Variants in RPF1 observed in about 807,000 individuals in gnomAD.
RPF1 encodes ribosome production factor 1.
A neutral mutation model predicts 41.9 loss-of-function variants in RPF1; 34 were observed. That is an observed-to-expected ratio of 0.81 (90% CI 0.62 to 1.08). The LOEUF (loss-of-function observed/expected upper bound fraction) is 1.08, where lower values mean the gene tolerates loss of function less well. Among genes scored for constraint, RPF1 ranks in the 50% least tolerant of loss-of-function variants. The pLI, the probability that RPF1 is intolerant of heterozygous loss-of-function variation, is 0.00. For missense variants in RPF1, 425 were observed against 435.2 expected (o/e 0.98, Z 0.21); for synonymous variants, 140 against 148.9 (o/e 0.94, Z 0.43).
chr1:84,493,626 CT>C (rs1229627909), intron 5 of RPF1, among the ~76,000 whole-genome samples: 6 of 151,908 alleles, frequency 3.9e-5, no homozygotes, highest in Non-Finnish European at 5.9e-5. Context: ...CCATCCCTAC[CT>C]AAGTTTTAAC....
intron 8 of RPF1, 74 bp downstream of exon 8, chr1:84,496,444 T>G: frequency 7.5e-7 from 1 of 1,333,568 alleles, no homozygotes; most frequent in East Asian, 2.3e-5. Context: ...AGAGAGAGCA[T>G]CAGGAATAGC....
rs565891899 is a variant in RPF1 at position 84,496,175 on chromosome 1, C to T, written c.882-69C>T. The T allele has an allele frequency of 6.6e-6, 10 of 1,505,814 alleles. No individual in the cohort carries two copies. The African/African-American group carries it at 9.8e-5, about 15-fold the overall frequency. The allele number at this position is 1,505,814 out of a possible 1,614,324, so 93.3% of individuals were successfully genotyped here. On this transcript the variant is annotated intron_variant, in intron 7 of 8. Transcript: ENST00000370654. ...TATCATACAAGATAAAATGAATTAT[C>T]TTTTGAACCCTGTCATAATGTTAAA...
intron 2 of RPF1, among the ~76,000 whole-genome samples, chr1:84,481,854 A>G (rs1378942032): frequency 1.3e-5 from 2 of 152,172 alleles, no homozygotes; most frequent in African/African-American, 4.8e-5. Flanking sequence ...TGAGGAAGGG[A>G]AAAAAATGTA....
At position 84,493,692 on chromosome 1, in the gene RPF1, G is replaced by A. The variant is rs947941765; in HGVS notation, c.617-1681G>A. On this transcript the variant is annotated intron_variant, in intron 5 of 8. Coordinates refer to ENST00000370654, the MANE Select transcript of RPF1 (RefSeq NM_025065.7). Reference sequence around the variant, plus strand: ...AACTCAAAAAGTGATGAGTGCTGTGGTAGCAGAACTGAGAAGATTTAGATC... The same window carrying A: ...AACTCAAAAAGTGATGAGTGCTGTGATAGCAGAACTGAGAAGATTTAGATC... Among the ~76,000 whole-genome samples the A allele has an allele frequency of 4.6e-5, 7 of 152,190 alleles. No individual in the cohort carries two copies. In the East Asian group the frequency reaches 1.3e-3, roughly 29 times the overall value.
intron 8 of RPF1, among the ~76,000 whole-genome samples, chr1:84,496,797 T>A (rs1681945721): frequency 6.6e-6 from 1 of 152,202 alleles, no homozygotes. Flanking sequence ...ACATGTTTCT[T>A]GAGAACTATT....
Position 84,479,926 on chromosome 1 carries a change from G to A in RPF1, c.228+417G>A, listed in dbSNP as rs111864405. On this transcript the variant is annotated intron_variant, in intron 1 of 8. Coordinates refer to ENST00000370654, the MANE Select transcript of RPF1 (RefSeq NM_025065.7). ...CCAAAATACTGCTTCTCTGATTCCT[G>A]CAGGAGCTCCTTACCGAAATTAGTA... Among the ~76,000 whole-genome samples the A allele has an allele frequency of 8.5e-5, 13 of 152,264 alleles. 1 individual carries two copies. Among genetic ancestry groups the A allele is most frequent in the African/African-American group, 3.1e-4 (13 of 41,544 alleles).
At chr1:84,489,874 A>G (rs903546627) in intron 4 of RPF1, 146 bp downstream of exon 4, 1 of 602,216 alleles carries the variant, frequency 1.7e-6, no homozygotes, top group South Asian at 2.1e-5. Flanking sequence ...CTCTGGTAAT[A>G]TGATGTAGGT....
chr1:84,483,593 C>G (rs1681689580), intron 3 of RPF1, among the ~76,000 whole-genome samples: 1 of 152,100 alleles, frequency 6.6e-6, no homozygotes, highest in Non-Finnish European at 1.5e-5. Context: ...ATTCCTTGTA[C>G]TATCGACTTT....
In RPF1 at chr1:84,495,860, T is replaced by G. The variant is rs1465434335; in HGVS notation, c.700-22T>G. The G allele has an allele frequency of 2.7e-6, 4 of 1,474,140 alleles. No individual in the cohort carries two copies. In the South Asian group the frequency reaches 4.9e-5, roughly 18 times the overall value. 91.3% of individuals were successfully genotyped at this position (1,474,140 alleles called of 1,614,324 possible). A position where few individuals can be genotyped will look rare whatever the true frequency, so the allele number is the denominator to read the frequency against. On this transcript the variant is annotated intron_variant, in intron 6 of 8. Transcript: ENST00000370654. The stretch of plus-strand genomic sequence containing the variant: ...CAATTAGCTTAGCCCATTGTGATAT[T>G]TATTTTTCATTATTTTTCTAGAGAA...
chr1:84,483,619 A>G (rs1299218619), intron 3 of RPF1, among the ~76,000 whole-genome samples: 1 of 152,152 alleles, frequency 6.6e-6, no homozygotes, highest in African/African-American at 2.4e-5. Context: ...TATTTGTTAG[A>G]CATTTTGATA....
chr1:84,496,193 A>ATGT (rs1412182689), intron 7 of RPF1, 51 bp from the exon 8 acceptor site: 4 of 1,549,718 alleles, frequency 2.6e-6, no homozygotes, highest in Middle Eastern at 1.7e-4. Context: ...CCCTGTCATA[A>ATGT]TGTTAAACAA....
intron 5 of RPF1, among the ~76,000 whole-genome samples, chr1:84,494,149 A>T (rs1681887281): frequency 1.3e-5 from 2 of 152,246 alleles, no homozygotes; most frequent in African/African-American, 4.8e-5. Flanking sequence ...TAGGAGATGT[A>T]CTTGAGATGG....
chr1:84,495,607 A>G (rs1681920069), intron 6 of RPF1, 152 bp downstream of exon 6: 1 of 574,942 alleles, frequency 1.7e-6, no homozygotes, highest in South Asian at 2.5e-5. Flanking sequence ...CTCTTGGGAG[A>G]CTGTGGTTAA....
Position 84,496,228 on chromosome 1 carries a change from C to CT in RPF1, c.882-11dup. 6.2e-7 allele frequency: 1 copy of CT among 1,606,024 alleles called. No individual in the cohort carries two copies. Among genetic ancestry groups the CT allele is most frequent in the East Asian group, 2.2e-5 (1 of 44,792 alleles). On this transcript the variant is annotated splice_polypyrimidine_tract_variant and intron_variant, in intron 7 of 8. Coordinates refer to ENST00000370654, the MANE Select transcript of RPF1 (RefSeq NM_025065.7). ...ATAGCTCATTCAGACTAATTTAACT[C>CT]TTTTTGTCTTTGAAGATACATATTC...
rs1681636509 is a variant in RPF1 at position 84,480,982 on chromosome 1, TAAAAAA to T, written c.256_261del (p.Lys86_Lys87del). The T allele has an allele frequency of 3.1e-6, 5 of 1,596,190 alleles. No homozygotes were observed. Among genetic ancestry groups the T allele is most frequent in the Non-Finnish European group, 4.3e-6 (5 of 1,166,842 alleles). On this transcript the variant is annotated inframe_deletion, in exon 2 of 9. Coordinates refer to ENST00000370654, the MANE Select transcript of RPF1 (RefSeq NM_025065.7). ...AAAAGTTGGCAGCTAAGAAAAAACT[TAAAAAA>T]GAAAGAGAGGCTCTTGGCGATAAGG...
At chr1:84,482,826 G>C (rs1175002744) in intron 2 of RPF1, 89 bp from the exon 3 acceptor site, 1 of 761,198 alleles carries the variant, frequency 1.3e-6, no homozygotes, top group African/African-American at 1.8e-5. Flanking sequence ...TGAGTTTGGG[G>C]TTATTTGTAG....
In RPF1 at chr1:84,490,355, AT is replaced by A. The variant is rs1681811858; in HGVS notation, c.500del (p.Ile167AsnfsTer14). ...ACTCTGTGAACAGCTCTCCACAGTT[AT>A]ACCAAACTCACATGTTTATTACAGA... ...VRLCEQLSTV[I>X]PNSHVYYRRG... On this transcript the variant is annotated frameshift_variant, in exon 5 of 9. Transcript: ENST00000370654. LOFTEE classifies it high-confidence loss of function. 5.6e-6 allele frequency: 9 copies of A among 1,609,164 alleles called. No homozygotes were observed. The highest frequency in any genetic ancestry group is 6.8e-6 in the Non-Finnish European group (8 of 1,178,216).
At chr1:84,490,151 G>A (rs925519556) in intron 4 of RPF1, among the ~76,000 whole-genome samples, 168 bp from the exon 5 acceptor site, 2 of 152,168 alleles carry the variant, frequency 1.3e-5, no homozygotes, top group Admixed American at 1.3e-4. Flanking sequence ...GCTTTAGGAT[G>A]ATCAGCCTTT....
Position 84,487,789 on chromosome 1 carries a change from C to G in RPF1, c.367-1844C>G, listed in dbSNP as rs1295951473. Among the ~76,000 whole-genome samples, 6 of 152,014 alleles carry G rather than the reference C, an allele frequency of 3.9e-5. No individual in the cohort carries two copies. In the East Asian group the frequency reaches 1.2e-3, roughly 29 times the overall value. On this transcript the variant is annotated intron_variant, in intron 3 of 8. Coordinates refer to ENST00000370654, the MANE Select transcript of RPF1 (RefSeq NM_025065.7). ...GAATGGAAACCAGTTACTTTCCTTC[C>G]TGTCTCCCCAACCTGTCCTTTTGCA...
Sources: allele counts gnomAD v4.1 joint callset (sites outside exome capture counted in the v4.1 genomes callset), GRCh38; gene constraint gnomAD v4.1.1; transcripts MANE v1.5; gene names NCBI Gene and HGNC (gene_info 2026-07-23, HGNC 2026-07-21).